The following PALS1 variants were observed in gnomAD, a reference collection of about 807,000 sequenced individuals.
The protein encoded by PALS1 is protein PALS1.
Under a neutral mutation model 78.9 loss-of-function variants are expected in PALS1, and 31 were observed. The ratio of observed to expected loss-of-function variants is 0.39; its 90% CI spans 0.30 to 0.53. The LOEUF (loss-of-function observed/expected upper bound fraction) is 0.53, where lower values mean the gene tolerates loss of function less well. Ranked by LOEUF, PALS1 falls within the 20% of genes least tolerant of loss-of-function variation. The pLI, the probability that PALS1 is intolerant of heterozygous loss-of-function variation, is 0.67. For synonymous variants in PALS1, 276 were observed against 270.9 expected (o/e 1.02, Z -0.18); for missense variants, 704 against 826.5 (o/e 0.85, Z 1.82).
chr14:67,279,832 C>G, intron 3 of PALS1: 1 of 323,142 alleles, frequency 3.1e-6, no homozygotes, highest in East Asian at 4.7e-5. Flanking sequence ...TATATCAAAC[C>G]ACAAACTTTA....
At chr14:67,318,910 T>C (rs2085218934) in intron 11 of PALS1, among the ~76,000 whole-genome samples, 1 of 151,922 alleles carries the variant, frequency 6.6e-6, no homozygotes, top group African/African-American at 2.4e-5. Context: ...TACAAAAAAT[T>C]AGCCAGGCGT....
chr14:67,287,288 G>A (rs2084704535), intron 3 of PALS1, among the ~76,000 whole-genome samples: 1 of 148,982 alleles, frequency 6.7e-6, no homozygotes, highest in African/African-American at 2.5e-5. Context: ...GGCAAAATAG[G>A]TCTTTTACAT....
chr14:67,329,612 G>T (rs1371932186), intron 14 of PALS1, among the ~76,000 whole-genome samples: 3 of 152,088 alleles, frequency 2.0e-5, no homozygotes, highest in African/African-American at 7.2e-5. Flanking sequence ...TTGGCTGTGG[G>T]TTTGTCATAA....
intron 4 of PALS1, 115 bp downstream of exon 4, chr14:67,292,834 A>T: frequency 1.3e-6 from 1 of 769,314 alleles, no homozygotes. Context: ...AATTACTGTT[A>T]ATTACATGTT....
chr14:67,243,471 A>G (rs1368743115), intron 1 of PALS1, among the ~76,000 whole-genome samples: 2 of 142,804 alleles, frequency 1.4e-5, no homozygotes, highest in Non-Finnish European at 3.0e-5. Flanking sequence ...TACAGGCGTG[A>G]GCCACCGCCA....
In PALS1 at chr14:67,275,720, C is replaced by T. The variant is rs541373976; in HGVS notation, c.-153-3298C>T. On this transcript the variant is annotated intron_variant, in intron 2 of 14. Coordinates refer to ENST00000261681, the MANE Select transcript of PALS1 (RefSeq NM_022474.4). Reference sequence around the variant, plus strand: ...GGTACCAGCTCCTCTTTGTACCTCTCGTAGAATTTGGCTGCGAATCCATTT... The same window carrying T: ...GGTACCAGCTCCTCTTTGTACCTCTTGTAGAATTTGGCTGCGAATCCATTT... Among the ~76,000 whole-genome samples the T allele has an allele frequency of 2.4e-3, 362 of 152,224 alleles. 4 individuals carry two copies. Among genetic ancestry groups the T allele is most frequent in the African/African-American group, 8.2e-3 (341 of 41,514 alleles).
chr14:67,255,180 T>C (rs114525416), intron 1 of PALS1, among the ~76,000 whole-genome samples: 2,448 of 152,152 alleles, frequency 0.016, 72 homozygotes, highest in African/African-American at 0.055. Context: ...TCTCTTATAA[T>C]GCTTTTTTAG....
rs2085506958 is a variant in PALS1, at chr14:67,334,931, A to AAAC, written c.*1976_*1978dup. ...ACAACTGTTTTCAACTCCAAGAGCT[A>AAAC]AACTATTGGCAGTTCATGTTAAGTT... On this transcript the variant is annotated 3_prime_UTR_variant, in exon 15 of 15. Transcript: ENST00000261681. 1 of 152,254 alleles carries AAAC rather than the reference A, an allele frequency of 6.6e-6. No individual in the cohort carries two copies. Among genetic ancestry groups the AAAC allele is most frequent in the Admixed American group, 6.5e-5 (1 of 15,284 alleles). 9.4% of individuals were successfully genotyped at this position (152,254 alleles called of 1,614,324 possible). A position where few individuals can be genotyped will look rare whatever the true frequency, so the allele number is the denominator to read the frequency against.
chr14:67,279,666 T>A, intron 3 of PALS1, 129 bp downstream of exon 3: 1 of 917,056 alleles, frequency 1.1e-6, no homozygotes, highest in Admixed American at 3.4e-5. Flanking sequence ...ACCAAGATCC[T>A]TTGTTTTCGT....
rs924171669 is a variant in PALS1, at chr14:67,251,260, G to A, written c.-237+9727G>A. 5.9e-5 allele frequency among the ~76,000 whole-genome samples: 9 copies of A among 152,252 alleles called. No homozygotes were observed. In the East Asian group the frequency reaches 1.3e-3, roughly 23 times the overall value. On this transcript the variant is annotated intron_variant, in intron 1 of 14. Coordinates refer to ENST00000261681, the MANE Select transcript of PALS1 (RefSeq NM_022474.4). ...GTTTAAAAATGTACGTGAGGCTGGC[G>A]CAGTGGCTCATGCCTGAAATCCCAG...
intron 8 of PALS1, among the ~76,000 whole-genome samples, chr14:67,307,954 A>G (rs1315673695): frequency 6.6e-6 from 1 of 152,158 alleles, no homozygotes; most frequent in Non-Finnish European, 1.5e-5. Flanking sequence ...GTTGGAGGCC[A>G]TTGTCCTTAG....
chr14:67,241,890 G>T (rs960150519), intron 1 of PALS1: 1 of 152,012 alleles, frequency 6.6e-6, no homozygotes, highest in Non-Finnish European at 1.5e-5. Context: ...CGCGACGCGC[G>T]GGACTCTCCC....
intron 3 of PALS1, among the ~76,000 whole-genome samples, chr14:67,284,442 A>AAAAAAAAAAAAAAAAC (rs890593561): frequency 7.0e-6 from 1 of 142,768 alleles, no homozygotes; most frequent in African/African-American, 2.6e-5. Context: ...AAAAAAAAAA[A>AAAAAAAAAAAAAAAAC]AACAGCTGGG....
chr14:67,296,395 T>C (rs1451840487), intron 4 of PALS1, among the ~76,000 whole-genome samples: 1 of 151,878 alleles, frequency 6.6e-6, no homozygotes, highest in Non-Finnish European at 1.5e-5. Flanking sequence ...GGTCAGGAGA[T>C]CGAGACCATC....
At chr14:67,327,187 T>A (rs186764355) in intron 14 of PALS1, among the ~76,000 whole-genome samples, 272 of 151,954 alleles carry the variant, frequency 1.8e-3, no homozygotes, top group African/African-American at 4.0e-3. Flanking sequence ...AAAGAAAAAA[T>A]TTTTTTTGAG....
At chr14:67,278,838 AG>A (rs1245375682) in intron 2 of PALS1, among the ~76,000 whole-genome samples, 179 bp from the exon 3 acceptor site, 3 of 152,106 alleles carry the variant, frequency 2.0e-5, no homozygotes, top group South Asian at 4.2e-4. Context: ...TTTTTGGGGG[AG>A]GGGGGAATCT....
chr14:67,275,322 A>G (rs1669162103), intron 2 of PALS1, among the ~76,000 whole-genome samples: 1 of 152,222 alleles, frequency 6.6e-6, no homozygotes, highest in South Asian at 2.1e-4. Flanking sequence ...GAGAGTTTTT[A>G]GCATGAAGGG....
intron 1 of PALS1, among the ~76,000 whole-genome samples, chr14:67,261,516 A>G (rs2084236987): frequency 6.6e-6 from 1 of 152,176 alleles, no homozygotes; most frequent in African/African-American, 2.4e-5. Context: ...ACAGGAGTCT[A>G]TTATATTTTT....
chr14:67,244,555 A>G (rs1262881114), intron 1 of PALS1, among the ~76,000 whole-genome samples: 2 of 152,222 alleles, frequency 1.3e-5, no homozygotes, highest in African/African-American at 2.4e-5. Flanking sequence ...GAGCTGTGCA[A>G]CTACCACAAT....
Sources: gnomAD v4.1 joint callset for allele counts (sites outside exome capture counted in the v4.1 genomes callset) on GRCh38, gnomAD v4.1.1 for gene constraint, MANE v1.5 for transcripts, NCBI Gene and HGNC (gene_info 2026-07-23, HGNC 2026-07-21) for gene names.